Variants in SPAG17 observed in about 807,000 individuals in gnomAD.
The protein encoded by SPAG17 is sperm-associated antigen 17.
Under a neutral mutation model 273.6 loss-of-function variants are expected in SPAG17, and 169 were observed. The observed-to-expected ratio is 0.62, with a 90% CI of 0.55 to 0.70. SPAG17 has a LOEUF of 0.70. Among genes scored for constraint, SPAG17 ranks in the 30% least tolerant of loss-of-function variants. The pLI, the probability that SPAG17 is intolerant of heterozygous loss-of-function variation, is 0.00. For synonymous variants in SPAG17, 825 were observed against 873.2 expected, an observed-to-expected ratio of 0.94 and a Z score of 0.97; for missense variants, 2,557 against 2,627.8, an observed-to-expected ratio of 0.97 and a Z score of 0.59.
At chr1:118,184,412 C>T (rs549754748) in intron 1 of SPAG17, among the ~76,000 whole-genome samples, 1 of 152,250 alleles carries the variant, frequency 6.6e-6, no homozygotes, top group East Asian at 1.9e-4. Context: ...TCTGGGATCT[C>T]ATGCACTTTG....
intron 6 of SPAG17, 23 bp downstream of exon 6, chr1:118,099,583 A>G (rs1214652257): frequency 1.2e-6 from 2 of 1,607,458 alleles, no homozygotes; most frequent in South Asian, 1.1e-5. Flanking sequence ...AGGACTCAGT[A>G]AGTTGTGTAG....
At chr1:118,006,418 C>T (rs2101743675) in intron 31 of SPAG17, among the ~76,000 whole-genome samples, 1 of 152,330 alleles carries the variant, frequency 6.6e-6, no homozygotes, top group African/African-American at 2.4e-5. Flanking sequence ...TGTTGTAGCA[C>T]ACAGTACTTT....
At chr1:118,150,161 C>T (rs966600539) in intron 3 of SPAG17, among the ~76,000 whole-genome samples, 9 of 152,080 alleles carry the variant, frequency 5.9e-5, no homozygotes, top group Admixed American at 2.0e-4. Flanking sequence ...TTGTTTTTTT[C>T]GAGAAACTAA....
chr1:118,049,284 G>A (rs1040364995), intron 20 of SPAG17, among the ~76,000 whole-genome samples: 2 of 152,142 alleles, frequency 1.3e-5, no homozygotes, highest in African/African-American at 2.4e-5. Context: ...TAAAATGACA[G>A]GCCGTTGTCC....
At chr1:118,062,106 G>A (rs1341323407) in intron 18 of SPAG17, among the ~76,000 whole-genome samples, 3 of 152,076 alleles carry the variant, frequency 2.0e-5, no homozygotes, top group Non-Finnish European at 2.9e-5. Flanking sequence ...GGTGGCTCAT[G>A]CCTGTAATCC....
rs1313910125 is a variant in SPAG17, at chr1:117,953,808, C to T, written c.*242G>A. ...TATCATCCCACCTGAGTCCATGACA[C>T]TCAGTCTCTTCCCTGTACATTAAAA... is the stretch of plus-strand genomic sequence containing the variant. On this transcript the variant is annotated 3_prime_UTR_variant, in exon 49 of 49. Transcript: ENST00000336338. 1 of 604,806 alleles carries T rather than the reference C, an allele frequency of 1.7e-6. No individual in the cohort carries two copies. Among genetic ancestry groups the T allele is most frequent in the African/African-American group, 1.9e-5 (1 of 53,718 alleles). The allele number at this position is 604,806 out of a possible 1,614,324, so 37.5% of individuals were successfully genotyped here.
chr1:118,053,099 C>T (rs184334777), intron 20 of SPAG17, among the ~76,000 whole-genome samples: 1 of 151,926 alleles, frequency 6.6e-6, no homozygotes, highest in Non-Finnish European at 1.5e-5. Flanking sequence ...AATGCAAATG[C>T]AACTTGTGTT....
At position 118,185,195 on chromosome 1, in the gene SPAG17, G is replaced by T. The variant is rs1661136485; in HGVS notation, c.-38C>A. On this transcript the variant is annotated 5_prime_UTR_variant, in exon 1 of 49. Transcript: ENST00000336338. Reference sequence around the variant, plus strand: ...AGAAGCATTGGCCTCTAAACTGGGCGCAGGCCCTGCCTAAGCGTCCCCGCT... The same window carrying T: ...AGAAGCATTGGCCTCTAAACTGGGCTCAGGCCCTGCCTAAGCGTCCCCGCT... 1 of 1,537,570 alleles carries T rather than the reference G, an allele frequency of 6.5e-7. No homozygotes were observed.
At chr1:117,993,868 T>A (rs994986168) in intron 35 of SPAG17, among the ~76,000 whole-genome samples, 31 of 152,314 alleles carry the variant, frequency 2.0e-4, no homozygotes, top group East Asian at 5.8e-4. Context: ...TTTATTTTTT[T>A]AAAAAATTTA....
chr1:118,180,441 A>C (rs994151382), intron 1 of SPAG17, among the ~76,000 whole-genome samples: 1 of 152,034 alleles, frequency 6.6e-6, no homozygotes, highest in Non-Finnish European at 1.5e-5. Flanking sequence ...AGGCTGGGAA[A>C]AGTAGCGAAG....
intron 3 of SPAG17, among the ~76,000 whole-genome samples, chr1:118,135,409 G>T (rs12135628): frequency 7.7e-6 from 1 of 129,106 alleles, no homozygotes; most frequent in Non-Finnish European, 1.7e-5. Flanking sequence ...GTGTGTGTGT[G>T]TATGTGTGTG....
intron 19 of SPAG17, 75 bp downstream of exon 19, chr1:118,055,658 C>T: frequency 8.2e-7 from 1 of 1,217,840 alleles, no homozygotes; most frequent in South Asian, 1.4e-5. Context: ...AAAATATTCA[C>T]AGTCTTGATT....
intron 1 of SPAG17, among the ~76,000 whole-genome samples, chr1:118,171,224 G>T (rs1660402456): frequency 6.6e-6 from 1 of 152,138 alleles, no homozygotes; most frequent in South Asian, 2.1e-4. Flanking sequence ...TGAATTGCAA[G>T]GTCCATGTAA....
Position 118,093,784 on chromosome 1 carries a change from C to T in SPAG17, c.1012-467G>A, listed in dbSNP as rs184426080. 2.1e-3 allele frequency among the ~76,000 whole-genome samples: 322 copies of T among 152,344 alleles called. 2 individuals are homozygous for T. Among genetic ancestry groups the T allele is most frequent in the Non-Finnish European group, 3.9e-3 (264 of 68,032 alleles). Reference sequence around the variant, plus strand: ...CATCTACCCAAGTACGTTGCATCTACACAAGTATGTGGGCAATCAGTATTT... The same window carrying T: ...CATCTACCCAAGTACGTTGCATCTATACAAGTATGTGGGCAATCAGTATTT... On this transcript the variant is annotated intron_variant, in intron 7 of 48. Transcript: ENST00000336338.
intron 3 of SPAG17, among the ~76,000 whole-genome samples, chr1:118,141,035 C>G (rs1007936322): frequency 2.6e-5 from 4 of 152,144 alleles, no homozygotes; most frequent in African/African-American, 7.2e-5. Context: ...TTTCATTCAT[C>G]TCCAAACACT....
intron 1 of SPAG17, among the ~76,000 whole-genome samples, chr1:118,166,457 A>G (rs915265053): frequency 6.6e-6 from 1 of 152,236 alleles, no homozygotes; most frequent in Non-Finnish European, 1.5e-5. Flanking sequence ...GATCCCTGGA[A>G]ATCATCCATA....
intron 4 of SPAG17, among the ~76,000 whole-genome samples, chr1:118,109,366 C>T (rs773193487): frequency 1.5e-5 from 2 of 135,536 alleles, no homozygotes; most frequent in East Asian, 2.1e-4. Context: ...GCCAACATGG[C>T]GATATCCCAT....
In SPAG17 at chr1:117,972,032, C is replaced by T. The variant is rs1241839810; in HGVS notation, c.6157G>A (p.Gly2053Arg). 17 of 1,612,432 alleles carry T rather than the reference C, an allele frequency of 1.1e-5. No individual in the cohort carries two copies. The African/African-American group carries it at 1.6e-4, about 15-fold the overall frequency. ...ACAGAGGATGTGTTCACTTTTCCTCCAACAGAATCTTGCACCTTTGCATTA... is the reference window on the plus strand; with the variant it reads ...ACAGAGGATGTGTTCACTTTTCCTCTAACAGAATCTTGCACCTTTGCATTA... Reference protein sequence around the residue: ...QPLAKVQDSVGGKVNTSSVAS... With the variant: ...QPLAKVQDSVRGKVNTSSVAS... The change falls in exon 45 of 49, where the codon GGA becomes AGA. Residue 2053 changes from glycine to arginine, a missense_variant. By Grantham distance (125) the Gly-to-Arg change is moderately radical. Coordinates refer to ENST00000336338, the MANE Select transcript of SPAG17 (RefSeq NM_206996.4).
chr1:118,065,269 A>T (rs1028462470), intron 18 of SPAG17, among the ~76,000 whole-genome samples: 1 of 152,178 alleles, frequency 6.6e-6, no homozygotes, highest in Non-Finnish European at 1.5e-5. Flanking sequence ...AAAATTAAGT[A>T]GAAAACATGA....
Sources: allele counts gnomAD v4.1 joint callset (sites outside exome capture counted in the v4.1 genomes callset), GRCh38; gene constraint gnomAD v4.1.1; transcripts MANE v1.5; gene names NCBI Gene and HGNC (gene_info 2026-07-23, HGNC 2026-07-21).